SNRNP70: variants seen among roughly 807,000 people sequenced by gnomAD.
SNRNP70 encodes the protein small nuclear ribonucleoprotein U1 subunit 70, also known as U1 small nuclear ribonucleoprotein 70 kDa.
Under a neutral mutation model 50.5 loss-of-function variants are expected in SNRNP70, and 8 were observed. That is an observed-to-expected ratio of 0.16 (90% CI 0.09 to 0.29). SNRNP70 has a LOEUF of 0.29. Ranked by LOEUF, SNRNP70 falls within the 10% of genes least tolerant of loss-of-function variation. The probability of loss-of-function intolerance (pLI) is 1.00; values close to 1 mark genes in which losing one functional copy is unlikely to be tolerated. For synonymous variants in SNRNP70, 320 were observed against 252.9 expected (o/e 1.27, Z -2.52); for missense variants, 529 against 663.5 (o/e 0.80, Z 2.23).
At chr19:49,085,854 G>A (rs2040371115) in intron 1 of SNRNP70, among the ~76,000 whole-genome samples, 1 of 152,098 alleles carries the variant, frequency 6.6e-6, no homozygotes, top group African/African-American at 2.4e-5. Flanking sequence ...CTTGCGGTGT[G>A]TGGCCTTTTT....
chr19:49,101,324 T>G, intron 6 of SNRNP70, 66 bp from the exon 7 acceptor site: 3 of 1,192,284 alleles, frequency 2.5e-6, no homozygotes, highest in Non-Finnish European at 3.8e-6. Context: ...GTGCAGGCTG[T>G]TGTGGGGTTG....
intron 4 of SNRNP70, among the ~76,000 whole-genome samples, chr19:49,091,573 T>C (rs1159790392): frequency 6.6e-6 from 1 of 152,040 alleles, no homozygotes; most frequent in Admixed American, 6.6e-5. Flanking sequence ...TGCCATCTCA[T>C]GTTGGCATAT....
At chr19:49,086,597 T>G in intron 2 of SNRNP70, 36 bp downstream of exon 2, 1 of 1,604,004 alleles carries the variant, frequency 6.2e-7, no homozygotes, top group African/African-American at 1.3e-5. Flanking sequence ...TGGTTTGGGT[T>G]CTGGGGAGCA....
rs2040697235 is a variant in SNRNP70 at position 49,107,940 on chromosome 19, A to G, written c.811A>G (p.Lys271Glu). 1 of 1,547,282 alleles carries G rather than the reference A, an allele frequency of 6.5e-7. No individual in the cohort carries two copies. Among genetic ancestry groups the G allele is most frequent in the Non-Finnish European group, 8.7e-7 (1 of 1,146,114 alleles). The change falls in exon 10 of 10, where the codon AAG (lysine) becomes GAG (glutamate). Residue 271 changes from lysine (K) to glutamate (E), a missense_variant. By Grantham distance (56) the Lys-to-Glu change is moderately conservative (BLOSUM62 1). Transcript: ENST00000598441. The surrounding 1 kb of genome is among the most constrained non-coding windows in gnomAD (Gnocchi z 6.0). The part of the protein sequence containing the change: ...DRRRRSRSRD[K>E]EERRRSRERS... ...GCGGAGGCGCTCACGGAGTCGCGACAAGGAGGAGCGGAGGCGCTCCAGGGA... is the reference window on the plus strand; with the variant it reads ...GCGGAGGCGCTCACGGAGTCGCGACGAGGAGGAGCGGAGGCGCTCCAGGGA...
chr19:49,100,867 C>T (rs894969795), intron 6 of SNRNP70, among the ~76,000 whole-genome samples: 5 of 152,046 alleles, frequency 3.3e-5, no homozygotes, highest in Non-Finnish European at 7.4e-5. Context: ...CCTCCTGTTT[C>T]CCTAATTCCA....
At chr19:49,095,206 A>T (rs2040497830) in intron 4 of SNRNP70, among the ~76,000 whole-genome samples, 1 of 152,234 alleles carries the variant, frequency 6.6e-6, no homozygotes, top group Non-Finnish European at 1.5e-5. Flanking sequence ...GAACTCACAC[A>T]GTGTGCTGGG....
chr19:49,086,504 T>A lies in SNRNP70; in HGVS notation c.90T>A (p.His30Gln). The change falls in exon 2 of 10, where the codon CAT (histidine) becomes CAA (glutamine). Residue 30 changes from histidine (H) to glutamine (Q), a missense_variant. By Grantham distance (24) the His-to-Gln change is conservative (BLOSUM62 0). Coordinates refer to ENST00000598441, the MANE Select transcript of SNRNP70 (RefSeq NM_003089.6). ...TGCCACCCCTGGAGAAACTGCCACATGAAAAACACCACAATCAACCTTATT... is the reference window on the plus strand; with the variant it reads ...TGCCACCCCTGGAGAAACTGCCACAAGAAAAACACCACAATCAACCTTATT... ...PYLPPLEKLP[H>Q]EKHHNQPYCG... 1.9e-6 allele frequency: 3 copies of A among 1,614,010 alleles called. No homozygotes were observed. Among genetic ancestry groups the A allele is most frequent in the Non-Finnish European group, 2.5e-6 (3 of 1,180,014 alleles).
intron 7 of SNRNP70, chr19:49,101,711 G>A (rs1315467027): frequency 3.9e-6 from 2 of 518,630 alleles, no homozygotes; most frequent in Non-Finnish European, 7.0e-6. Flanking sequence ...AGTGTCACAC[G>A]TTGAACCTCA....
chr19:49,090,314 A>G lies in SNRNP70; in HGVS notation c.171A>G (p.Pro57=), dbSNP rs1368237342. 1 of 1,613,916 alleles carries G rather than the reference A, an allele frequency of 6.2e-7. No individual in the cohort carries two copies. Among genetic ancestry groups the G allele is most frequent in the African/African-American group, 1.3e-5 (1 of 74,948 alleles). Residue 57 remains proline, a synonymous_variant, in exon 3 of 10, where the codon CCA becomes CCG. Transcript: ENST00000598441. The part of the protein sequence containing the change: ...EFEDPRDAPP[P]TRAETREERM... ...AGGACCCTCGAGATGCCCCTCCTCC[A>G]ACTCGTGCTGAAACCCGAGAGGAGC...
chr19:49,104,471 G>A lies in SNRNP70; in HGVS notation c.476-163G>A, dbSNP rs2040638107. On this transcript the variant is annotated intron_variant, in intron 7 of 9. Transcript: ENST00000598441. This position sits in a 1 kb window ranked among gnomAD's most constrained non-coding sequence, Gnocchi z 5.4. ...GATGGAGCAGGCCCTTCACCGGTTT[G>A]GGAGAGGGTTGGTCTGGCTGTCAGT... 1 of 627,922 alleles carries A rather than the reference G, an allele frequency of 1.6e-6. No homozygotes were observed. The highest frequency in any genetic ancestry group is 2.9e-5 in the East Asian group (1 of 33,986). The allele number at this position is 627,922 out of a possible 1,614,324, so 38.9% of individuals were successfully genotyped here. A position where few individuals can be genotyped will look rare whatever the true frequency, so the allele number is the denominator to read the frequency against.
rs1804318 is a variant in SNRNP70, at chr19:49,085,540, C to T, written c.-107C>T. ...GGAATCAGACGGACGTGGACGCCCC[C>T]GGAGTGGAAGCCGAAGCAGGAGTTG... On this transcript the variant is annotated 5_prime_UTR_variant, in exon 1 of 10. Coordinates refer to ENST00000598441, the MANE Select transcript of SNRNP70 (RefSeq NM_003089.6). 5 of 455,956 alleles carry T rather than the reference C, an allele frequency of 1.1e-5. No individual in the cohort carries two copies. Among genetic ancestry groups the T allele is most frequent in the Non-Finnish European group, 2.2e-5 (5 of 226,756 alleles). 28.2% of individuals were successfully genotyped at this position (455,956 alleles called of 1,614,324 possible). A position where few individuals can be genotyped will look rare whatever the true frequency, so the allele number is the denominator to read the frequency against.
chr19:49,096,062 C>CGTTTTTT (rs993863911), intron 4 of SNRNP70, among the ~76,000 whole-genome samples: 10 of 147,610 alleles, frequency 6.8e-5, no homozygotes, highest in African/African-American at 1.0e-4. Context: ...TGGCAAGGAA[C>CGTTTTTT]GTTTTTTGTT....
chr19:49,100,001 C>T (rs897770310), intron 6 of SNRNP70, among the ~76,000 whole-genome samples: 3 of 152,206 alleles, frequency 2.0e-5, no homozygotes, highest in African/African-American at 7.2e-5. Flanking sequence ...CAGTGACAAC[C>T]TTGGCCCCAC....
chr19:49,108,133 T>C lies in SNRNP70; in HGVS notation c.1004T>C (p.Leu335Pro). Residue 335 changes from leucine to proline, a missense_variant, in exon 10 of 10, where the codon CTC (leucine) becomes CCC (proline). Transcript: ENST00000598441. ...CCTGATGATGGGCCTCCAGGGGAGCTCGGGCCTGACGGCCCTGACGGTCCA... is the reference window on the plus strand; with the variant it reads ...CCTGATGATGGGCCTCCAGGGGAGCCCGGGCCTGACGGCCCTGACGGTCCA... ...APPDDGPPGE[L>P]GPDGPDGPEE... 3 of 1,544,296 alleles carry C rather than the reference T, an allele frequency of 1.9e-6. No individual in the cohort carries two copies. The highest frequency in any genetic ancestry group is 2.6e-6 in the Non-Finnish European group (3 of 1,145,512).
chr19:49,086,283 C>G, intron 1 of SNRNP70, 122 bp from the exon 2 acceptor site: 1 of 1,149,288 alleles, frequency 8.7e-7, no homozygotes, highest in African/African-American at 1.6e-5. Context: ...TCTGCCCTTA[C>G]AGAGCCTGTT....
intron 4 of SNRNP70, among the ~76,000 whole-genome samples, chr19:49,096,257 A>G (rs1044344262): frequency 1.3e-5 from 2 of 151,264 alleles, no homozygotes; most frequent in African/African-American, 2.4e-5. Flanking sequence ...GGGTTTCGCC[A>G]TGTTTGCCAG....
At chr19:49,089,823 C>T (rs1344665951) in intron 2 of SNRNP70, among the ~76,000 whole-genome samples, 4 of 151,524 alleles carry the variant, frequency 2.6e-5, no homozygotes, top group African/African-American at 4.8e-5. Context: ...CCACCACGCC[C>T]GGCTAATTTT....
At position 49,108,366 on chromosome 19, in the gene SNRNP70, A is replaced by C. The variant is rs143538916; in HGVS notation, c.1237A>C (p.Met413Leu). The C allele has an allele frequency of 1.4e-4, 233 of 1,611,072 alleles. No individual in the cohort carries two copies. In the African/African-American group the frequency reaches 2.6e-3, roughly 18 times the overall value. ...GGGTCTGGGCAACGACAGCCGAGAC[A>C]TGTACATGGAGTCTGAGGGCGGCGA... ...LEGLGNDSRD[M>L]YMESEGGDGY... The change falls in exon 10 of 10, where the codon ATG becomes CTG. Residue 413 changes from methionine to leucine, a missense_variant. Physicochemically the swap from Met to Leu is conservative, Grantham distance 15. This residue lies in a region of SNRNP70 where 327 missense variants were observed against 308.8 expected (regional missense o/e 1.06). Transcript: ENST00000598441.
At position 49,108,556 on chromosome 19, in the gene SNRNP70, C is replaced by T. The variant is rs2040717767; in HGVS notation, c.*113C>T. ...GTTTGTCCTCCAAGGGTAGGTGTCTCATTTGTTCTGGCCCCTTGGATTTAA... is the reference window on the plus strand; with the variant it reads ...GTTTGTCCTCCAAGGGTAGGTGTCTTATTTGTTCTGGCCCCTTGGATTTAA... On this transcript the variant is annotated 3_prime_UTR_variant, in exon 10 of 10. Coordinates refer to ENST00000598441, the MANE Select transcript of SNRNP70 (RefSeq NM_003089.6). 5.2e-6 allele frequency: 7 copies of T among 1,344,502 alleles called. No individual in the cohort carries two copies. The East Asian group carries it at 7.7e-5, about 15-fold the overall frequency. 83.3% of individuals were successfully genotyped at this position (1,344,502 alleles called of 1,614,324 possible).
Sources: allele counts gnomAD v4.1 joint callset (sites outside exome capture counted in the v4.1 genomes callset), GRCh38; gene constraint gnomAD v4.1.1; regional missense constraint gnomAD v4.1.1; non-coding constraint Gnocchi (gnomAD v3.1); transcripts MANE v1.5; gene names NCBI Gene and HGNC (gene_info 2026-07-23, HGNC 2026-07-21).